The following PTPRR variants were observed in gnomAD, a reference collection of about 807,000 sequenced individuals.
PTPRR encodes the protein protein tyrosine phosphatase receptor type R.
Under a neutral mutation model 77.2 loss-of-function variants are expected in PTPRR, and 38 were observed. The observed-to-expected ratio is 0.49, with a 90% CI of 0.38 to 0.65. The LOEUF (loss-of-function observed/expected upper bound fraction) is 0.65, where lower values mean the gene tolerates loss of function less well. Among genes scored for constraint, PTPRR ranks in the 30% least tolerant of loss-of-function variants. The pLI is 0.00. For synonymous variants in PTPRR, 299 were observed against 283.1 expected, an observed-to-expected ratio of 1.06 and a Z score of -0.57; for missense variants, 744 against 799.2, an observed-to-expected ratio of 0.93 and a Z score of 0.83.
chr12:70,779,645 T>C (rs1298417071), intron 2 of PTPRR, among the ~76,000 whole-genome samples: 1 of 152,212 alleles, frequency 6.6e-6, no homozygotes, highest in Non-Finnish European at 1.5e-5. Context: ...TCAGTCTGGT[T>C]CTCTGCTGTC....
intron 2 of PTPRR, among the ~76,000 whole-genome samples, chr12:70,818,445 G>C (rs1022868802): frequency 6.6e-6 from 1 of 152,078 alleles, no homozygotes; most frequent in Non-Finnish European, 1.5e-5. Context: ...GGGAATATGA[G>C]AGCATTATTC....
chr12:70,827,009 C>T (rs985130298), intron 2 of PTPRR, among the ~76,000 whole-genome samples: 1 of 152,158 alleles, frequency 6.6e-6, no homozygotes, highest in Non-Finnish European at 1.5e-5. Context: ...ACAGTGGGCT[C>T]CTTCTTATGG....
At chr12:70,747,507 A>G (rs986255005) in intron 5 of PTPRR, among the ~76,000 whole-genome samples, 1 of 152,236 alleles carries the variant, frequency 6.6e-6, no homozygotes, top group African/African-American at 2.4e-5. Context: ...ATATGAATCA[A>G]CAACGAAAAT....
intron 6 of PTPRR, among the ~76,000 whole-genome samples, chr12:70,732,815 TC>T (rs1300644769): frequency 6.6e-6 from 1 of 152,178 alleles, no homozygotes; most frequent in Non-Finnish European, 1.5e-5. Context: ...CACCTCAGCC[TC>T]CCAAAGTGCT....
At chr12:70,767,874 T>C (rs1890867508) in intron 2 of PTPRR, among the ~76,000 whole-genome samples, 1 of 152,050 alleles carries the variant, frequency 6.6e-6, no homozygotes, top group South Asian at 2.1e-4. Flanking sequence ...TCAAAACCAC[T>C]CAACTACATG....
At position 70,920,702 on chromosome 12, in the gene PTPRR, C is replaced by A; in HGVS notation, c.-312G>T. 3.1e-6 allele frequency: 1 copy of A among 326,648 alleles called. No individual in the cohort carries two copies. Among genetic ancestry groups the A allele is most frequent in the South Asian group, 3.2e-5 (1 of 31,028 alleles). 20.2% of individuals were successfully genotyped at this position (326,648 alleles called of 1,614,324 possible). A position where few individuals can be genotyped will look rare whatever the true frequency, so the allele number is the denominator to read the frequency against. On this transcript the variant is annotated 5_prime_UTR_variant, in exon 1 of 14. Coordinates refer to ENST00000283228, the MANE Select transcript of PTPRR (RefSeq NM_002849.4). ...ACGGCAGGGTGGACTCCGCGCCAGC[C>A]CAGCAGCCCAGCAGCAGCGCCGCGG...
chr12:70,920,339 C>T lies in PTPRR; in HGVS notation c.52G>A (p.Ala18Thr), dbSNP rs777936079. The T allele has an allele frequency of 5.6e-6, 9 of 1,613,718 alleles. No homozygotes were observed. In the South Asian group the frequency reaches 8.8e-5, roughly 16 times the overall value. ...PALCLLLNLH[A>T]AGCFSGNNDH... ...AAGCCTGGCAACCCCTTACCTGCAG[C>T]GTGAAGATTAAGGAGCAGGCACAGC... The change falls in exon 1 of 14, where the codon GCT becomes ACT. Residue 18 changes from alanine (A) to threonine (T), a missense_variant. Ala to Thr is a moderately conservative substitution (Grantham distance 58, BLOSUM62 0). Transcript: ENST00000283228.
In PTPRR at chr12:70,853,020, C is replaced by T. The variant is rs961859394; in HGVS notation, c.357+39659G>A. On this transcript the variant is annotated intron_variant, in intron 2 of 13. Coordinates refer to ENST00000283228, the MANE Select transcript of PTPRR (RefSeq NM_002849.4). ...TTACAATAATCATGACTACCGTTCA[C>T]GGGCCAGGGGCCGCCACACTTTATC... 4.6e-5 allele frequency among the ~76,000 whole-genome samples: 7 copies of T among 152,182 alleles called. 1 individual carries two copies. The highest frequency in any genetic ancestry group is 1.3e-4 in the Admixed American group (2 of 15,282).
Position 70,701,549 on chromosome 12 carries a change from T to C in PTPRR, c.1008-226A>G, listed in dbSNP as rs7964075. Among the ~76,000 whole-genome samples, 874 of 152,326 alleles carry C rather than the reference T, an allele frequency of 5.7e-3. 8 individuals are homozygous for C. The highest frequency in any genetic ancestry group is 0.02 in the African/African-American group (837 of 41,568). On this transcript the variant is annotated intron_variant, in intron 6 of 13. Coordinates refer to ENST00000283228, the MANE Select transcript of PTPRR (RefSeq NM_002849.4). ...AGAACTCTAAATTGAGAAAATATGC[T>C]ATAATTTATGAATGCATATACTTAT...
intron 6 of PTPRR, among the ~76,000 whole-genome samples, chr12:70,730,431 G>C (rs951496768): frequency 6.6e-6 from 1 of 151,966 alleles, no homozygotes; most frequent in Non-Finnish European, 1.5e-5. Context: ...GAATAGCTTG[G>C]ACCCTGGAGG....
At chr12:70,657,974 T>C (rs918617235) in intron 12 of PTPRR, among the ~76,000 whole-genome samples, 1 of 152,196 alleles carries the variant, frequency 6.6e-6, no homozygotes. Flanking sequence ...GCTAAGTTCA[T>C]CTTTCTGAAA....
rs112218356 is a variant in PTPRR, at chr12:70,819,111, G to A, written c.358-54333C>T. On this transcript the variant is annotated intron_variant, in intron 2 of 13. Transcript: ENST00000283228. ...CAAGGCAGGCAGATCACTTGAGATC[G>A]GGAGTTTGAGACCAGACTAGTCGAC... Among the ~76,000 whole-genome samples the A allele has an allele frequency of 9.6e-3, 1,455 of 152,162 alleles. 21 individuals are homozygous for A. Among genetic ancestry groups the A allele is most frequent in the African/African-American group, 0.033 (1,388 of 41,500 alleles).
At chr12:70,664,816 C>A (rs1382102952) in intron 10 of PTPRR, 2 of 152,186 alleles carry the variant, frequency 1.3e-5, no homozygotes, top group African/African-American at 2.4e-5. Context: ...CATCTCCTTT[C>A]TGAGATACAA....
chr12:70,699,941 C>G (rs1888360432), intron 7 of PTPRR, among the ~76,000 whole-genome samples: 1 of 151,980 alleles, frequency 6.6e-6, no homozygotes, highest in African/African-American at 2.4e-5. Flanking sequence ...CTTCAATTTC[C>G]TTTCAGGAAA....
intron 13 of PTPRR, among the ~76,000 whole-genome samples, chr12:70,654,991 A>T (rs1886524423): frequency 6.6e-6 from 1 of 152,174 alleles, no homozygotes; most frequent in African/African-American, 2.4e-5. Context: ...CTGAGCAGAG[A>T]CGCCTGCTGC....
intron 1 of PTPRR, among the ~76,000 whole-genome samples, chr12:70,911,704 C>A (rs1893701960): frequency 6.9e-6 from 1 of 144,720 alleles, no homozygotes; most frequent in Admixed American, 7.0e-5. Context: ...TGGTCAGGCT[C>A]CTGCCTATAG....
intron 10 of PTPRR, chr12:70,672,557 T>C: frequency 7.4e-7 from 1 of 1,355,138 alleles, no homozygotes; most frequent in Non-Finnish European, 1.0e-6. Flanking sequence ...TTCAACACCT[T>C]CTACCCTCTG....
chr12:70,730,009 A>G (rs1342407311), intron 6 of PTPRR, among the ~76,000 whole-genome samples: 1 of 152,152 alleles, frequency 6.6e-6, no homozygotes, highest in African/African-American at 2.4e-5. Context: ...CAAAAAAACA[A>G]TGAAAAAATA....
chr12:70,825,790 C>G (rs1056865603), intron 2 of PTPRR, among the ~76,000 whole-genome samples: 1 of 152,140 alleles, frequency 6.6e-6, no homozygotes, highest in African/African-American at 2.4e-5. Context: ...AGTTATCTAG[C>G]ACTGTGCCTG....
Sources: gnomAD v4.1 joint callset for allele counts (sites outside exome capture counted in the v4.1 genomes callset) on GRCh38, gnomAD v4.1.1 for gene constraint, MANE v1.5 for transcripts, NCBI Gene and HGNC (gene_info 2026-07-23, HGNC 2026-07-21) for gene names.